The following CCDC85A variants were observed in gnomAD, a reference collection of about 807,000 sequenced individuals.
CCDC85A encodes coiled-coil domain-containing protein 85A.
Under a neutral mutation model 50.2 loss-of-function variants are expected in CCDC85A, and 38 were observed. The ratio of observed to expected loss-of-function variants is 0.76; its 90% CI spans 0.58 to 0.99. The LOEUF (loss-of-function observed/expected upper bound fraction) is 0.99. Among genes scored for constraint, CCDC85A ranks in the 50% least tolerant of loss-of-function variants. The probability of loss-of-function intolerance (pLI) is 0.00; values close to 1 mark genes in which losing one functional copy is unlikely to be tolerated. For synonymous variants in CCDC85A, 366 were observed against 301.4 expected (o/e 1.21, Z -2.22); for missense variants, 820 against 742.0 (o/e 1.11, Z -1.22).
At chr2:56,230,854 G>A (rs1668745060) in intron 2 of CCDC85A, among the ~76,000 whole-genome samples, 1 of 152,168 alleles carries the variant, frequency 6.6e-6, no homozygotes, top group African/African-American at 2.4e-5. Context: ...GGGTCTAGTA[G>A]GTGAATGCTG....
chr2:56,286,242 G>A (rs901683981), intron 2 of CCDC85A, among the ~76,000 whole-genome samples: 10 of 151,902 alleles, frequency 6.6e-5, no homozygotes, highest in Admixed American at 1.3e-4. Flanking sequence ...AGCTTTTTTG[G>A]ATCTATAGGT....
At chr2:56,268,343 A>T (rs1053502964) in intron 2 of CCDC85A, among the ~76,000 whole-genome samples, 3 of 152,158 alleles carry the variant, frequency 2.0e-5, no homozygotes, top group African/African-American at 7.2e-5. Context: ...CACACCTGTA[A>T]TCCCAGCACT....
chr2:56,310,213 T>C lies in CCDC85A; in HGVS notation c.1241-32666T>C, dbSNP rs75064831. On this transcript the variant is annotated intron_variant, in intron 2 of 5. Transcript: ENST00000407595. Reference sequence around the variant, plus strand: ...CTCGGGTAAAATGTCATGACCGTGTTGACTGATGCAACTGATTGCTGAGTG... The same window carrying C: ...CTCGGGTAAAATGTCATGACCGTGTCGACTGATGCAACTGATTGCTGAGTG... 8.0e-3 allele frequency among the ~76,000 whole-genome samples: 1,214 copies of C among 152,260 alleles called. 26 individuals are homozygous for C. The highest frequency in any genetic ancestry group is 0.027 in the African/African-American group (1,140 of 41,568).
At chr2:56,197,633 G>T (rs1210516769) in intron 2 of CCDC85A, among the ~76,000 whole-genome samples, 1 of 152,086 alleles carries the variant, frequency 6.6e-6, no homozygotes, top group Non-Finnish European at 1.5e-5. Flanking sequence ...CTTAAGATGG[G>T]TTGGTGTGAG....
chr2:56,232,375 A>G (rs1300882811), intron 2 of CCDC85A, among the ~76,000 whole-genome samples: 1 of 152,144 alleles, frequency 6.6e-6, no homozygotes, highest in Admixed American at 6.6e-5. Context: ...GATTCCTTGC[A>G]TTTTGATATG....
intron 3 of CCDC85A, among the ~76,000 whole-genome samples, chr2:56,349,353 G>C (rs541827581): frequency 6.6e-6 from 1 of 152,250 alleles, no homozygotes; most frequent in Non-Finnish European, 1.5e-5. Context: ...GGACAGATGG[G>C]AGCAGCACGA....
chr2:56,382,686 T>G (rs1380644493), intron 5 of CCDC85A, among the ~76,000 whole-genome samples: 1 of 152,032 alleles, frequency 6.6e-6, no homozygotes, highest in East Asian at 1.9e-4. Context: ...GTTGGTTTAT[T>G]GCAAAGTTCT....
intron 2 of CCDC85A, chr2:56,235,475 A>G (rs1249537512): frequency 6.7e-6 from 1 of 149,438 alleles, no homozygotes; most frequent in Non-Finnish European, 1.5e-5. Flanking sequence ...GAAAAAGGTA[A>G]ATTAGGGAAA....
intron 2 of CCDC85A, among the ~76,000 whole-genome samples, chr2:56,291,515 A>G (rs1055069845): frequency 5.3e-5 from 8 of 152,216 alleles, no homozygotes; most frequent in African/African-American, 1.9e-4. Flanking sequence ...CTCCCTGAGT[A>G]GATGATATTT....
intron 2 of CCDC85A, among the ~76,000 whole-genome samples, chr2:56,300,249 A>T (rs541470357): frequency 6.6e-6 from 1 of 152,218 alleles, no homozygotes; most frequent in Non-Finnish European, 1.5e-5. Context: ...TATCTAGACC[A>T]TAAGATGATC....
chr2:56,374,966 A>G (rs1347404455), intron 4 of CCDC85A, among the ~76,000 whole-genome samples: 3 of 152,228 alleles, frequency 2.0e-5, no homozygotes, highest in Non-Finnish European at 2.9e-5. Flanking sequence ...ATAGGCAGAA[A>G]TTAAAATTTC....
intron 2 of CCDC85A, among the ~76,000 whole-genome samples, chr2:56,266,033 A>G (rs985425958): frequency 6.6e-6 from 1 of 152,186 alleles, no homozygotes; most frequent in African/African-American, 2.4e-5. Context: ...TAAGTGAAAT[A>G]AGCCAGACAC....
rs1001272017 is a variant in CCDC85A, at chr2:56,267,981, C to T, written c.1240+74541C>T. On this transcript the variant is annotated intron_variant, in intron 2 of 5. Coordinates refer to ENST00000407595, the MANE Select transcript of CCDC85A (RefSeq NM_001080433.2). ...CTATTTCAAGGACAAATCTCATAGA[C>T]TTTCTATGTTCATATTCTTTTGGGT... Among the ~76,000 whole-genome samples the T allele has an allele frequency of 2.6e-5, 4 of 152,272 alleles. No homozygotes were observed. In the East Asian group the frequency reaches 5.8e-4, roughly 22 times the overall value.
chr2:56,257,010 A>G (rs1212872546), intron 2 of CCDC85A, among the ~76,000 whole-genome samples: 4 of 152,094 alleles, frequency 2.6e-5, no homozygotes, highest in Non-Finnish European at 4.4e-5. Flanking sequence ...CATTCAACTG[A>G]AGTCCATATA....
chr2:56,292,318 C>T (rs973518690), intron 2 of CCDC85A, among the ~76,000 whole-genome samples: 11 of 152,050 alleles, frequency 7.2e-5, no homozygotes, highest in Admixed American at 3.3e-4. Context: ...CTCCTGACCT[C>T]GTGATCCACC....
intron 2 of CCDC85A, among the ~76,000 whole-genome samples, chr2:56,261,239 G>A (rs1431043488): frequency 1.3e-5 from 2 of 152,186 alleles, no homozygotes; most frequent in African/African-American, 4.8e-5. Flanking sequence ...CATTCTTATA[G>A]AGAGACTATA....
chr2:56,363,607 C>T (rs775357492), intron 3 of CCDC85A, among the ~76,000 whole-genome samples: 2 of 152,162 alleles, frequency 1.3e-5, no homozygotes, highest in Admixed American at 6.5e-5. Flanking sequence ...TAAGACCCTT[C>T]TTTTTGCCAA....
At chr2:56,339,095 T>C (rs1226242911) in intron 2 of CCDC85A, among the ~76,000 whole-genome samples, 1 of 152,236 alleles carries the variant, frequency 6.6e-6, no homozygotes, top group Non-Finnish European at 1.5e-5. Flanking sequence ...ATGTGTGTTC[T>C]GAGAAAGTTA....
chr2:56,340,966 G>C (rs1674337406), intron 2 of CCDC85A, among the ~76,000 whole-genome samples: 3 of 151,390 alleles, frequency 2.0e-5, no homozygotes, highest in Admixed American at 2.0e-4. Flanking sequence ...TGGGTGACTT[G>C]AGAGATCAAG....
Sources: allele counts gnomAD v4.1 joint callset (sites outside exome capture counted in the v4.1 genomes callset), GRCh38; gene constraint gnomAD v4.1.1; transcripts MANE v1.5; gene names NCBI Gene and HGNC (gene_info 2026-07-23, HGNC 2026-07-21).